RBFOX1: variants seen among roughly 807,000 people sequenced by gnomAD.
RBFOX1 encodes RNA binding fox-1 homolog 1.
Under a neutral mutation model 57.7 loss-of-function variants are expected in RBFOX1, and 8 were observed. The ratio of observed to expected loss-of-function variants is 0.14; its 90% CI spans 0.08 to 0.25. The LOEUF is 0.25. RBFOX1 is among the 10% of genes least tolerant of loss of function. The probability of loss-of-function intolerance (pLI) is 1.00; values close to 1 mark genes in which losing one functional copy is unlikely to be tolerated. For missense variants in RBFOX1, 611 were observed against 548.5 expected (o/e 1.11, Z -1.14); for synonymous variants, 326 against 222.4 (o/e 1.47, Z -4.15).
intron 3 of RBFOX1, among the ~76,000 whole-genome samples, chr16:7,016,938 G>C (rs1458316678): frequency 1.3e-5 from 2 of 152,044 alleles, no homozygotes; most frequent in Admixed American, 6.6e-5. Flanking sequence ...TGGTAAATTT[G>C]TTTCATGTTT....
intron 4 of RBFOX1, among the ~76,000 whole-genome samples, chr16:5,943,235 G>A (rs1296238292): frequency 6.6e-6 from 1 of 152,186 alleles, no homozygotes; most frequent in Non-Finnish European, 1.5e-5. Context: ...TTGTTTAAAA[G>A]TGCAGTTTTC....
At chr16:6,297,724 G>C (rs766310738) in intron 1 of RBFOX1, among the ~76,000 whole-genome samples, 16 of 152,068 alleles carry the variant, frequency 1.1e-4, no homozygotes, top group Non-Finnish European at 1.6e-4. Flanking sequence ...AGAAGGAGAT[G>C]AAGAGACAAA....
chr16:7,703,265 C>T lies in RBFOX1; in HGVS notation c.996-5791C>T, dbSNP rs569300584. Among the ~76,000 whole-genome samples, 97 of 152,298 alleles carry T rather than the reference C, an allele frequency of 6.4e-4. 1 individual carries two copies. The highest frequency in any genetic ancestry group is 1.2e-3 in the Non-Finnish European group (82 of 68,022). Reference sequence around the variant, plus strand: ...GCAGAGACCCGGGCCATTCATTGATCCCTGGTGAGACATCCCATTTTGAAT... The same window carrying T: ...GCAGAGACCCGGGCCATTCATTGATTCCTGGTGAGACATCCCATTTTGAAT... On this transcript the variant is annotated intron_variant, in intron 14 of 15. Coordinates refer to ENST00000550418, the MANE Select transcript of RBFOX1 (RefSeq NM_018723.4).
chr16:7,471,619 G>A (rs1003770009), intron 4 of RBFOX1, among the ~76,000 whole-genome samples: 22 of 152,094 alleles, frequency 1.4e-4, no homozygotes, highest in African/African-American at 4.8e-4. Flanking sequence ...GGTGGAGATG[G>A]CTTCTTTACC....
chr16:5,615,423 C>G (rs1049850933), intron 3 of RBFOX1, among the ~76,000 whole-genome samples: 8 of 152,202 alleles, frequency 5.3e-5, no homozygotes, highest in African/African-American at 1.7e-4. Flanking sequence ...GTGGTGTGTA[C>G]TGCTCAAGTC....
intron 1 of RBFOX1, among the ~76,000 whole-genome samples, chr16:5,401,777 CT>C: frequency 6.7e-6 from 1 of 150,036 alleles, no homozygotes; most frequent in East Asian, 2.0e-4. Context: ...CCTCCTCCTC[CT>C]CCTCCTCCTC....
intron 1 of RBFOX1, among the ~76,000 whole-genome samples, chr16:6,302,912 A>T (rs962786343): frequency 6.6e-6 from 1 of 152,228 alleles, no homozygotes; most frequent in Non-Finnish European, 1.5e-5. Context: ...TGCATCTTTG[A>T]AAAGTAGCAT....
At chr16:7,174,418 C>T (rs918712220) in intron 4 of RBFOX1, among the ~76,000 whole-genome samples, 1 of 152,094 alleles carries the variant, frequency 6.6e-6, no homozygotes, top group Non-Finnish European at 1.5e-5. Context: ...TATGCTTTCA[C>T]CTTTCTTGGG....
rs527501431 is a variant in RBFOX1 at position 6,974,970 on chromosome 16, T to G, written c.-15-77087T>G. 3.3e-5 allele frequency among the ~76,000 whole-genome samples: 5 copies of G among 152,340 alleles called. No individual in the cohort carries two copies. The South Asian group carries it at 1.0e-3, about 32-fold the overall frequency. On this transcript the variant is annotated intron_variant, in intron 3 of 15. Coordinates refer to ENST00000550418, the MANE Select transcript of RBFOX1 (RefSeq NM_018723.4). ...AAGGATTGTTCTAAAAGAATCTTCC[T>G]CTGCTTCTGCTTCTAATTCTGGAAG... is the stretch of plus-strand genomic sequence containing the variant.
chr16:5,379,108 G>A lies in RBFOX1; in HGVS notation c.220-88108G>A, dbSNP rs542298735. ...GCAATAACTTTTGCATCAACCTAAT[G>A]CATCAACAGCGTAAGAGACGGACCT... is the stretch of plus-strand genomic sequence containing the variant. On this transcript the variant is annotated intron_variant, in intron 1 of 2. Transcript: ENST00000585867. 5.5e-4 allele frequency among the ~76,000 whole-genome samples: 83 copies of A among 151,650 alleles called. 4 individuals carry two copies. The highest frequency in any genetic ancestry group is 1.9e-3 in the African/African-American group (77 of 40,948).
intron 1 of RBFOX1, among the ~76,000 whole-genome samples, chr16:6,172,683 C>G (rs2096970569): frequency 6.6e-6 from 1 of 152,168 alleles, no homozygotes; most frequent in Non-Finnish European, 1.5e-5. Context: ...GATGTGTTTG[C>G]TATTCTTCAC....
intron 11 of RBFOX1, among the ~76,000 whole-genome samples, chr16:7,652,738 G>T (rs948092261): frequency 6.6e-6 from 1 of 152,184 alleles, no homozygotes; most frequent in African/African-American, 2.4e-5. Flanking sequence ...CGGGGTCCCA[G>T]ACTTATCGCG....
chr16:6,366,826 ATC>A (rs1225605669), intron 2 of RBFOX1, among the ~76,000 whole-genome samples: 1 of 152,096 alleles, frequency 6.6e-6, no homozygotes, highest in Non-Finnish European at 1.5e-5. Context: ...GGTGTCAGGA[ATC>A]TCTGCTTTTG....
At position 7,057,880 on chromosome 16, in the gene RBFOX1, C is replaced by T. The variant is rs112805394; in HGVS notation, c.27+5782C>T. On this transcript the variant is annotated intron_variant, in intron 4 of 15. Coordinates refer to ENST00000550418, the MANE Select transcript of RBFOX1 (RefSeq NM_018723.4). The stretch of plus-strand genomic sequence containing the variant: ...AAAATTAGCCAGGCATGGTGGCGGG[C>T]GCCTGTAGTCCCAGCTACTCCGGAG... Among the ~76,000 whole-genome samples the T allele has an allele frequency of 3.3e-3, 497 of 151,818 alleles. 6 individuals are homozygous for T. The highest frequency in any genetic ancestry group is 0.011 in the African/African-American group (465 of 41,408).
chr16:6,727,472 A>G (rs1489976894), intron 3 of RBFOX1, among the ~76,000 whole-genome samples: 1 of 152,000 alleles, frequency 6.6e-6, no homozygotes, highest in African/African-American at 2.4e-5. Context: ...CACCAGATGA[A>G]GCACAGGGCA....
chr16:6,903,375 C>G (rs1188915233), intron 3 of RBFOX1, among the ~76,000 whole-genome samples: 1 of 152,200 alleles, frequency 6.6e-6, no homozygotes. Context: ...AACCATTGCA[C>G]AGATTCTAAC....
intron 3 of RBFOX1, among the ~76,000 whole-genome samples, chr16:5,667,275 G>A (rs2049878876): frequency 6.6e-6 from 1 of 152,126 alleles, no homozygotes; most frequent in Admixed American, 6.6e-5. Flanking sequence ...TCAAGCTATA[G>A]CTATTTGCCC....
chr16:7,710,903 C>G lies in RBFOX1; in HGVS notation c.*158C>G. The stretch of plus-strand genomic sequence containing the variant: ...AAATTACATTTTTTATCTTATACCT[C>G]AGATATTTTGTTCTGTGTATTTTAA... On this transcript the variant is annotated 3_prime_UTR_variant, in exon 16 of 16. Transcript: ENST00000550418. The G allele has an allele frequency of 2.5e-6, 2 of 799,666 alleles. No homozygotes were observed. Among genetic ancestry groups the G allele is most frequent in the Non-Finnish European group, 3.5e-6 (2 of 577,516 alleles). The allele number at this position is 799,666 out of a possible 1,614,324, so 49.5% of individuals were successfully genotyped here.
intron 2 of RBFOX1, among the ~76,000 whole-genome samples, chr16:5,593,082 G>T (rs1343466987): frequency 6.6e-6 from 1 of 152,098 alleles, no homozygotes; most frequent in African/African-American, 2.4e-5. Flanking sequence ...CAAAGACCTG[G>T]AACCAACCCA....
Sources: allele counts gnomAD v4.1 joint callset (sites outside exome capture counted in the v4.1 genomes callset), GRCh38; gene constraint gnomAD v4.1.1; transcripts MANE v1.5; gene names NCBI Gene and HGNC (gene_info 2026-07-23, HGNC 2026-07-21).